GPR15LG: variants seen among roughly 807,000 people sequenced by gnomAD.
GPR15LG encodes the protein G protein-coupled receptor 15 ligand.
At chr10:84,184,771 C>T in the GPR15LG span, 2 of 1,613,700 alleles carry the variant, frequency 1.2e-6, no homozygotes, top group Non-Finnish European at 1.7e-6. Flanking sequence ...GTGTAGCACT[C>T]CCAAAGCAAG....
chr10:84,174,556 C>T, the GPR15LG span, among the ~76,000 whole-genome samples: 1 of 141,686 alleles, frequency 7.1e-6, no homozygotes, highest in Non-Finnish European at 1.5e-5. Flanking sequence ...TGCAGTGGCG[C>T]TATCTCAGCT....
chr10:84,182,099 T>C, the GPR15LG span, among the ~76,000 whole-genome samples: 8 of 152,202 alleles, frequency 5.3e-5, no homozygotes, highest in Non-Finnish European at 8.8e-5. Context: ...TCCCTCGCCA[T>C]AGGGTTGTCT....
chr10:84,180,763 T>C, the GPR15LG span, among the ~76,000 whole-genome samples: 1 of 152,148 alleles, frequency 6.6e-6, no homozygotes, highest in Admixed American at 6.5e-5. Context: ...TGTAGCGAGC[T>C]GAGATCATGC....
At chr10:84,181,161 G>A in the GPR15LG span, among the ~76,000 whole-genome samples, 4 of 141,180 alleles carry the variant, frequency 2.8e-5, no homozygotes, top group Non-Finnish European at 6.2e-5. Context: ...GCTGGGCTCA[G>A]CATCAGAGGG....
the GPR15LG span, among the ~76,000 whole-genome samples, chr10:84,181,072 C>T: frequency 3.3e-5 from 5 of 151,136 alleles, no homozygotes; most frequent in Non-Finnish European, 5.9e-5. Context: ...AGAGGGAGAC[C>T]GTGCAAAGAG....
the GPR15LG span, among the ~76,000 whole-genome samples, chr10:84,180,065 AG>A: frequency 6.6e-6 from 1 of 152,190 alleles, no homozygotes; most frequent in African/African-American, 2.4e-5. Flanking sequence ...ACTTGAGATT[AG>A]GGAGTGGTGA....
the GPR15LG span, among the ~76,000 whole-genome samples, chr10:84,182,490 T>C: frequency 5.3e-5 from 8 of 152,346 alleles, no homozygotes; most frequent in East Asian, 1.4e-3. Flanking sequence ...TCTCTCATAT[T>C]TTTGATGTCT....
chr10:84,184,652 C>T, the GPR15LG span: 4 of 1,612,374 alleles, frequency 2.5e-6, no homozygotes, highest in South Asian at 3.3e-5. Context: ...CTGTCCTTGT[C>T]CCTCTTGTCT....
At chr10:84,174,386 T>C in the GPR15LG span, among the ~76,000 whole-genome samples, 1 of 151,744 alleles carries the variant, frequency 6.6e-6, no homozygotes, top group African/African-American at 2.4e-5. Context: ...GAAATGAAGG[T>C]GTGTGTGGTA....
the GPR15LG span, among the ~76,000 whole-genome samples, chr10:84,181,992 C>A: frequency 6.9e-4 from 105 of 152,186 alleles, no homozygotes; most frequent in Non-Finnish European, 1.2e-3. Context: ...CTGCCCAGGT[C>A]CTGAGAGCTC....
the GPR15LG span, among the ~76,000 whole-genome samples, chr10:84,179,974 C>A: frequency 6.6e-6 from 1 of 151,376 alleles, no homozygotes; most frequent in Non-Finnish European, 1.5e-5. Context: ...GGAAGGTCAG[C>A]AGATAAACAT....
the GPR15LG span, among the ~76,000 whole-genome samples, chr10:84,175,203 C>T: frequency 7.2e-5 from 11 of 152,086 alleles, no homozygotes; most frequent in Admixed American, 4.6e-4. Context: ...AAAGTTTCTG[C>T]GATGAAAATG....
the GPR15LG span, among the ~76,000 whole-genome samples, chr10:84,183,949 T>C: frequency 6.6e-6 from 1 of 152,126 alleles, no homozygotes; most frequent in South Asian, 2.1e-4. Flanking sequence ...CCTGGCCAAA[T>C]TATCATTACT....
the GPR15LG span, chr10:84,184,678 C>T: frequency 6.2e-7 from 1 of 1,614,074 alleles, no homozygotes; most frequent in Non-Finnish European, 8.5e-7. Context: ...TTGCTCCTCC[C>T]AGGACATCAT....
At chr10:84,176,682 G>GAGGA in the GPR15LG span, 3 of 693,202 alleles carry the variant, frequency 4.3e-6, no homozygotes, top group African/African-American at 1.8e-5. Flanking sequence ...CTCTGGCTGG[G>GAGGA]AGGACATCTT....
the GPR15LG span, chr10:84,176,366 C>T: frequency 2.6e-6 from 2 of 778,188 alleles, no homozygotes; most frequent in Non-Finnish European, 4.6e-6. Context: ...CGTAGCCTGG[C>T]TCATCCTGAG....
chr10:84,185,037 A>C, the GPR15LG span: 4 of 1,284,584 alleles, frequency 3.1e-6, no homozygotes, highest in Non-Finnish European at 3.9e-6. Context: ...ACCACCGAGC[A>C]TTCCACCATG....
chr10:84,181,549 G>A, the GPR15LG span, among the ~76,000 whole-genome samples: 1 of 152,176 alleles, frequency 6.6e-6, no homozygotes, highest in Non-Finnish European at 1.5e-5. Flanking sequence ...AGCCTCCCCA[G>A]TAGCTGGGAC....
chr10:84,174,494 C>CTTTTTTTTTTTTTTT, the GPR15LG span, among the ~76,000 whole-genome samples: 4 of 98,748 alleles, frequency 4.1e-5, no homozygotes, highest in Admixed American at 1.2e-4. Context: ...TTTCTTTTTT[C>CTTTTTTTTTTTTTTT]TTTTTTTTTT....
Sources: allele counts gnomAD v4.1 joint callset (sites outside exome capture counted in the v4.1 genomes callset), GRCh38; gene constraint gnomAD v4.1.1; transcripts MANE v1.5; gene names NCBI Gene and HGNC (gene_info 2026-07-23, HGNC 2026-07-21).